POU6F2: variants seen among roughly 807,000 people sequenced by gnomAD.
The protein encoded by POU6F2 is POU class 6 homeobox 2.
POU6F2 carries 31 observed loss-of-function variants against 71.3 expected under a neutral mutation model. The ratio of observed to expected loss-of-function variants is 0.43; its 90% CI spans 0.33 to 0.59. The LOEUF is 0.59. POU6F2 is among the 20% of genes least tolerant of loss of function. The probability of loss-of-function intolerance (pLI) is 0.04; values close to 1 mark genes in which losing one functional copy is unlikely to be tolerated. For synonymous variants in POU6F2, 347 were observed against 355.7 expected, an observed-to-expected ratio of 0.98 and a Z score of 0.27; for missense variants, 783 against 856.8, an observed-to-expected ratio of 0.91 and a Z score of 1.07.
intron 1 of POU6F2, among the ~76,000 whole-genome samples, chr7:39,077,108 C>T (rs554024590): frequency 5.9e-5 from 9 of 152,266 alleles, no homozygotes; most frequent in African/African-American, 1.9e-4. Flanking sequence ...ATAGGGTATG[C>T]GTATGCAATG....
At chr7:39,320,528 A>G (rs1336597305) in intron 4 of POU6F2, among the ~76,000 whole-genome samples, 2 of 152,130 alleles carry the variant, frequency 1.3e-5, no homozygotes, top group Non-Finnish European at 2.9e-5. Flanking sequence ...GCAGCCCTGG[A>G]GTTTCAGCAT....
At chr7:39,216,822 T>G (rs1794252475) in intron 4 of POU6F2, among the ~76,000 whole-genome samples, 1 of 152,180 alleles carries the variant, frequency 6.6e-6, no homozygotes, top group Non-Finnish European at 1.5e-5. Context: ...GGTTCCCCAT[T>G]AAACAGTGTT....
intron 4 of POU6F2, among the ~76,000 whole-genome samples, chr7:39,224,588 A>G (rs1036891295): frequency 6.6e-6 from 1 of 152,184 alleles, no homozygotes; most frequent in African/African-American, 2.4e-5. Flanking sequence ...TAGAACCACC[A>G]ATGACTGCTT....
intron 7 of POU6F2, among the ~76,000 whole-genome samples, chr7:39,450,184 C>G (rs778970564): frequency 6.6e-6 from 1 of 151,992 alleles, no homozygotes; most frequent in Non-Finnish European, 1.5e-5. Context: ...GTTGAAACAC[C>G]CCAGGCTGGC....
At chr7:39,294,287 G>T (rs1784811642) in intron 4 of POU6F2, among the ~76,000 whole-genome samples, 1 of 150,200 alleles carries the variant, frequency 6.7e-6, no homozygotes, top group Non-Finnish European at 1.5e-5. Context: ...TTAACAAGAT[G>T]CATTCATTTG....
intron 2 of POU6F2, among the ~76,000 whole-genome samples, chr7:39,093,909 A>T (rs1791403083): frequency 6.6e-6 from 1 of 152,098 alleles, no homozygotes; most frequent in Non-Finnish European, 1.5e-5. Flanking sequence ...TTCTTCATGC[A>T]CATATAATGC....
intron 5 of POU6F2, among the ~76,000 whole-genome samples, chr7:39,355,388 G>A (rs143040164): frequency 1.3e-5 from 2 of 152,260 alleles, no homozygotes; most frequent in East Asian, 3.9e-4. Flanking sequence ...GTTACATGTT[G>A]AGAGATAGAT....
intron 2 of POU6F2, among the ~76,000 whole-genome samples, chr7:39,109,491 G>A (rs924211641): frequency 2.6e-5 from 4 of 152,208 alleles, no homozygotes; most frequent in African/African-American, 9.6e-5. Context: ...AATTCTGCCT[G>A]ATGAGTGGTA....
intron 2 of POU6F2, among the ~76,000 whole-genome samples, chr7:39,133,260 G>T (rs1014030941): frequency 6.6e-6 from 1 of 152,318 alleles, no homozygotes; most frequent in Admixed American, 6.5e-5. Flanking sequence ...CCACAGGCAC[G>T]CATGTGACTA....
At chr7:39,414,227 C>T (rs1323547284) in intron 6 of POU6F2, among the ~76,000 whole-genome samples, 2 of 152,222 alleles carry the variant, frequency 1.3e-5, no homozygotes, top group Non-Finnish European at 2.9e-5. Flanking sequence ...CAGAACAGAA[C>T]CTCTTCCAAT....
At chr7:39,417,545 G>A (rs913892626) in intron 6 of POU6F2, among the ~76,000 whole-genome samples, 6 of 152,150 alleles carry the variant, frequency 3.9e-5, no homozygotes, top group Admixed American at 2.0e-4. Flanking sequence ...TCATCAGGTG[G>A]AGGGTTCAGA....
chr7:39,235,583 C>T (rs1302451228), intron 4 of POU6F2, among the ~76,000 whole-genome samples: 1 of 152,146 alleles, frequency 6.6e-6, no homozygotes, highest in Non-Finnish European at 1.5e-5. Context: ...TTGACAAGAC[C>T]TCAGTCTAGA....
intron 4 of POU6F2, among the ~76,000 whole-genome samples, chr7:39,289,553 C>G (rs1784711798): frequency 6.6e-6 from 1 of 151,974 alleles, no homozygotes; most frequent in Non-Finnish European, 1.5e-5. Context: ...AAAATATTAG[C>G]TATCAACTTT....
chr7:39,467,704 A>C lies in POU6F2; in HGVS notation c.*3018A>C, dbSNP rs570424881. 2.6e-5 allele frequency: 4 copies of C among 152,322 alleles called. No individual in the cohort carries two copies. The highest frequency in any genetic ancestry group is 7.2e-5 in the African/African-American group (3 of 41,576). 9.4% of individuals were successfully genotyped at this position (152,322 alleles called of 1,614,324 possible). ...TGGCTTCTTTATGTTGTCATCACAC[A>C]GATGCACACACACATACACATACAA... On this transcript the variant is annotated 3_prime_UTR_variant, in exon 10 of 10. Transcript: ENST00000518318.
At chr7:39,364,948 G>T (rs1583552757) in intron 5 of POU6F2, among the ~76,000 whole-genome samples, 2 of 151,872 alleles carry the variant, frequency 1.3e-5, no homozygotes, top group East Asian at 1.9e-4. Flanking sequence ...CTTATTTTTT[G>T]ATTGTGGCCA....
At chr7:39,207,641 G>A (rs754685305) in intron 4 of POU6F2, 21 bp downstream of exon 4, 9 of 1,598,710 alleles carry the variant, frequency 5.6e-6, no homozygotes, top group East Asian at 4.5e-5. Context: ...ATGTCCATGC[G>A]CCACGTAAGG....
At chr7:39,360,077 GA>G (rs1043080912) in intron 5 of POU6F2, among the ~76,000 whole-genome samples, 1 of 152,166 alleles carries the variant, frequency 6.6e-6, no homozygotes, top group Non-Finnish European at 1.5e-5. Flanking sequence ...GCAACACAGA[GA>G]ATTTTTATAT....
At chr7:39,032,950 G>A (rs903909514) in intron 1 of POU6F2, among the ~76,000 whole-genome samples, 4 of 152,188 alleles carry the variant, frequency 2.6e-5, no homozygotes, top group African/African-American at 9.7e-5. Flanking sequence ...GGACTCCCTA[G>A]CTGTGAAACA....
intron 2 of POU6F2, among the ~76,000 whole-genome samples, chr7:39,195,559 T>C (rs1025541303): frequency 2.0e-5 from 3 of 152,066 alleles, no homozygotes; most frequent in African/African-American, 7.2e-5. Flanking sequence ...TGCGGATTCA[T>C]GTCACCACAA....
Sources: allele counts gnomAD v4.1 joint callset (sites outside exome capture counted in the v4.1 genomes callset), GRCh38; gene constraint gnomAD v4.1.1; transcripts MANE v1.5; gene names NCBI Gene and HGNC (gene_info 2026-07-23, HGNC 2026-07-21).